Variants in ZNF704 observed in about 807,000 individuals in gnomAD.
ZNF704 encodes glucocorticoid induced gene 1.
Under a neutral mutation model 44.7 loss-of-function variants are expected in ZNF704, and 10 were observed. The observed-to-expected ratio is 0.22, with a 90% CI of 0.14 to 0.38. ZNF704 has a LOEUF of 0.38. Among genes scored for constraint, ZNF704 ranks in the 10% least tolerant of loss-of-function variants. The pLI, the probability that ZNF704 is intolerant of heterozygous loss-of-function variation, is 1.00. For synonymous variants in ZNF704, 211 were observed against 207.6 expected (o/e 1.02, Z -0.14); for missense variants, 390 against 545.5 (o/e 0.71, Z 2.84).
rs145444981 is a variant in ZNF704 at position 80,756,000 on chromosome 8, G to A, written c.222-62893C>T. 5.5e-4 allele frequency among the ~76,000 whole-genome samples: 83 copies of A among 152,010 alleles called. 1 individual carries two copies. Among genetic ancestry groups the A allele is most frequent in the African/African-American group, 1.9e-3 (79 of 41,430 alleles). ...GGTACACATCTGCAGTCCCAGCTAC[G>A]TGGGAGGCTGAGAAGGAAGGATGGC... On this transcript the variant is annotated intron_variant, in intron 2 of 8. Coordinates refer to ENST00000327835, the MANE Select transcript of ZNF704 (RefSeq NM_001033723.3).
intron 3 of ZNF704, among the ~76,000 whole-genome samples, chr8:80,688,924 A>G (rs552985973): frequency 3.5e-5 from 5 of 144,716 alleles, no homozygotes; most frequent in Non-Finnish European, 6.0e-5. Context: ...GTGCCACTGC[A>G]CTCCAGCCTG....
intron 1 of ZNF704, among the ~76,000 whole-genome samples, chr8:80,828,081 G>A (rs1808409561): frequency 6.6e-6 from 1 of 152,088 alleles, no homozygotes; most frequent in Admixed American, 6.5e-5. Flanking sequence ...TTGACAAATG[G>A]GATCTAACTA....
chr8:80,762,325 A>G (rs770538396), intron 2 of ZNF704, among the ~76,000 whole-genome samples: 11 of 152,198 alleles, frequency 7.2e-5, no homozygotes, highest in Non-Finnish European at 1.6e-4. Context: ...TTTATAAAGG[A>G]AAGAGGTTTA....
At chr8:80,843,984 TATATATAC>T (rs1190091922) in intron 1 of ZNF704, among the ~76,000 whole-genome samples, 1 of 149,780 alleles carries the variant, frequency 6.7e-6, no homozygotes, top group African/African-American at 2.4e-5. Flanking sequence ...TATATATATA[TATATATAC>T]ACATACACAC....
chr8:80,879,053 C>G (rs1246275851), upstream of ZNF704, among the ~76,000 whole-genome samples: 1 of 152,062 alleles, frequency 6.6e-6, no homozygotes, highest in Non-Finnish European at 1.5e-5. Flanking sequence ...TAGTTAAGTC[C>G]CCTGATCTCT....
chr8:80,652,241 C>A lies in ZNF704; in HGVS notation c.1032+7344G>T, dbSNP rs28782606. On this transcript the variant is annotated intron_variant, in intron 7 of 8. Transcript: ENST00000327835. ...GAAAGATCTAAAATTGACACCCTAA[C>A]ATCACAATTAAAAGAACTAGAGAAG... is the stretch of plus-strand genomic sequence containing the variant. Among the ~76,000 whole-genome samples, 1,005 of 151,940 alleles carry A rather than the reference C, an allele frequency of 6.6e-3. 12 individuals carry two copies. The highest frequency in any genetic ancestry group is 0.023 in the African/African-American group (975 of 41,498).
At chr8:80,685,875 T>C (rs1818526512) in intron 4 of ZNF704, among the ~76,000 whole-genome samples, 2 of 152,136 alleles carry the variant, frequency 1.3e-5, no homozygotes, top group Admixed American at 1.3e-4. Context: ...TGAAATGAAT[T>C]GGGGGAGGAA....
intron 2 of ZNF704, among the ~76,000 whole-genome samples, chr8:80,805,642 G>T (rs1468677183): frequency 6.6e-6 from 1 of 151,886 alleles, no homozygotes; most frequent in East Asian, 1.9e-4. Context: ...TGCTTTTAGT[G>T]TCCAAAAGGC....
chr8:80,668,238 G>A (rs915431944), intron 5 of ZNF704, among the ~76,000 whole-genome samples: 7 of 152,078 alleles, frequency 4.6e-5, no homozygotes, highest in African/African-American at 1.7e-4. Context: ...TCCCCTCACT[G>A]CAGCAGCAGC....
At chr8:80,842,625 T>C (rs573169969) in intron 1 of ZNF704, among the ~76,000 whole-genome samples, 7 of 152,064 alleles carry the variant, frequency 4.6e-5, no homozygotes, top group South Asian at 2.1e-4. Flanking sequence ...AAAATAGAAA[T>C]AGTGATCAAA....
rs181786685 is a variant in ZNF704 at position 80,731,429 on chromosome 8, A to T, written c.222-38322T>A. Among the ~76,000 whole-genome samples the T allele has an allele frequency of 2.0e-3, 311 of 152,288 alleles. 1 individual carries two copies. The highest frequency in any genetic ancestry group is 7.1e-3 in the African/African-American group (296 of 41,570). ...ACATGATCAATTTTTAAAGACCTGG[A>T]CTACATCATGATGTATTTAAAGAAA... is the stretch of plus-strand genomic sequence containing the variant. On this transcript the variant is annotated intron_variant, in intron 2 of 8. Coordinates refer to ENST00000327835, the MANE Select transcript of ZNF704 (RefSeq NM_001033723.3).
chr8:80,882,835 G>A, the ZNF704 span, among the ~76,000 whole-genome samples: 1 of 152,030 alleles, frequency 6.6e-6, no homozygotes, highest in South Asian at 2.1e-4. Context: ...AATTTTTAAA[G>A]TTTAGTTTGC....
intron 4 of ZNF704, among the ~76,000 whole-genome samples, chr8:80,675,735 G>T (rs1377149788): frequency 6.6e-6 from 1 of 152,192 alleles, no homozygotes; most frequent in Admixed American, 6.5e-5. Context: ...GACTGGGTGA[G>T]TTGTGGGTGA....
chr8:80,642,563 A>C (rs1192238537), intron 8 of ZNF704, among the ~76,000 whole-genome samples: 1 of 152,204 alleles, frequency 6.6e-6, no homozygotes, highest in Admixed American at 6.5e-5. Flanking sequence ...AAAACTTATG[A>C]ATCATTTATT....
At chr8:80,790,037 T>C (rs1180221762) in intron 2 of ZNF704, among the ~76,000 whole-genome samples, 28 of 152,202 alleles carry the variant, frequency 1.8e-4, no homozygotes, top group Admixed American at 1.8e-3. Context: ...AAAAGATTGG[T>C]GTGGAAGTGT....
chr8:80,762,659 T>C (rs903445408), intron 2 of ZNF704, among the ~76,000 whole-genome samples: 2 of 152,150 alleles, frequency 1.3e-5, no homozygotes, highest in African/African-American at 4.8e-5. Flanking sequence ...TATTCTGCCC[T>C]GGCCCCTCTC....
chr8:80,866,860 T>C (rs1809163892), intron 1 of ZNF704, among the ~76,000 whole-genome samples: 1 of 152,138 alleles, frequency 6.6e-6, no homozygotes, highest in Non-Finnish European at 1.5e-5. Flanking sequence ...CTCCTGGGCT[T>C]AAAGCTTCCA....
chr8:80,831,725 C>A (rs377401284), intron 1 of ZNF704, among the ~76,000 whole-genome samples: 2 of 152,092 alleles, frequency 1.3e-5, no homozygotes, highest in South Asian at 2.1e-4. Context: ...TGGGGATCTA[C>A]CAAAGAAGGG....
At chr8:80,795,454 C>G (rs1807782348) in intron 2 of ZNF704, among the ~76,000 whole-genome samples, 2 of 151,986 alleles carry the variant, frequency 1.3e-5, no homozygotes, top group African/African-American at 4.8e-5. Context: ...TAACTGAACC[C>G]TGTAGGAAGA....
Sources: allele counts gnomAD v4.1 joint callset (sites outside exome capture counted in the v4.1 genomes callset), GRCh38; gene constraint gnomAD v4.1.1; transcripts MANE v1.5; gene names NCBI Gene and HGNC (gene_info 2026-07-23, HGNC 2026-07-21).